Variants in FAT2 observed in about 807,000 individuals in gnomAD.
FAT2 encodes the protein FAT atypical cadherin 2.
Under a neutral mutation model 295.3 loss-of-function variants are expected in FAT2, and 150 were observed. The ratio of observed to expected loss-of-function variants is 0.51; its 90% CI spans 0.44 to 0.58. FAT2 has a LOEUF of 0.58. Among genes scored for constraint, FAT2 ranks in the 20% least tolerant of loss-of-function variants. The pLI is 0.00. For synonymous variants in FAT2, 2,026 were observed against 2,150.3 expected, an observed-to-expected ratio of 0.94 and a Z score of 1.60; for missense variants, 4,868 against 5,442.7, an observed-to-expected ratio of 0.89 and a Z score of 3.32.
chr5:151,541,047 T>C (rs1254844714), intron 10 of FAT2, among the ~76,000 whole-genome samples: 1 of 152,146 alleles, frequency 6.6e-6, no homozygotes, highest in East Asian at 1.9e-4. Flanking sequence ...CCAGAAGGCA[T>C]GGGAGGAAGT....
intron 13 of FAT2, 74 bp downstream of exon 13, chr5:151,534,335 C>G (rs994457757): frequency 1.8e-5 from 22 of 1,248,120 alleles, no homozygotes; most frequent in Non-Finnish European, 2.2e-5. Flanking sequence ...TAGAGAGACA[C>G]AAAGGGGACC....
intron 20 of FAT2, among the ~76,000 whole-genome samples, chr5:151,513,968 G>A (rs1375758286): frequency 6.6e-6 from 1 of 152,010 alleles, no homozygotes; most frequent in Non-Finnish European, 1.5e-5. Flanking sequence ...AGAACCACTG[G>A]GTTAAAACAT....
At chr5:151,520,492 A>T (rs749151075) in intron 19 of FAT2, among the ~76,000 whole-genome samples, 4 of 152,090 alleles carry the variant, frequency 2.6e-5, no homozygotes, top group African/African-American at 9.7e-5. Context: ...TTTAGGTGAC[A>T]TCTACACAGA....
intron 18 of FAT2, among the ~76,000 whole-genome samples, chr5:151,523,815 G>A (rs891695952): frequency 6.6e-5 from 10 of 152,152 alleles, no homozygotes; most frequent in Admixed American, 3.3e-4. Context: ...GGGAAATAAT[G>A]TGCAAAACAG....
rs368902272 is a variant in FAT2 at position 151,549,113 on chromosome 5, T to C, written c.4789+182A>G. Among the ~76,000 whole-genome samples, 11 of 152,332 alleles carry C rather than the reference T, an allele frequency of 7.2e-5. No individual in the cohort carries two copies. In the South Asian group the frequency reaches 2.3e-3, roughly 32 times the overall value. ...GTCCTTACTCATATTGTAGTAATTA[T>C]GTTATTACTACCTTTGGAAGTGCAT... On this transcript the variant is annotated intron_variant, in intron 9 of 23. Coordinates refer to ENST00000261800, the MANE Select transcript of FAT2 (RefSeq NM_001447.3).
In FAT2 at chr5:151,534,652, G is replaced by T. The variant is rs1755034076; in HGVS notation, c.9194-10C>A. The T allele has an allele frequency of 1.3e-6, 2 of 1,599,132 alleles. No homozygotes were observed. Among genetic ancestry groups the T allele is most frequent in the Non-Finnish European group, 1.7e-6 (2 of 1,167,462 alleles). ...AGTGTGGTCAGCTCCCCTGGTCGGA[G>T]AAATGACAAAAGTTGAGCTTTCTCT... On this transcript the variant is annotated splice_polypyrimidine_tract_variant and intron_variant, in intron 12 of 23. Coordinates refer to ENST00000261800, the MANE Select transcript of FAT2 (RefSeq NM_001447.3).
intron 21 of FAT2, chr5:151,511,806 G>GTGTT: frequency 4.5e-6 from 1 of 222,878 alleles, no homozygotes; most frequent in East Asian, 9.4e-5. Flanking sequence ...TTTGCCTCTA[G>GTGTT]TGTTAGGGAA....
rs201078770 is a variant in FAT2 at position 151,568,494 on chromosome 5, A to C, written c.438T>G (p.Pro146=). 1 of 1,613,944 alleles carries C rather than the reference A, an allele frequency of 6.2e-7. No homozygotes were observed. The highest frequency in any genetic ancestry group is 1.3e-5 in the African/African-American group (1 of 74,880). The part of the protein sequence containing the change: ...VHILDQNDLK[P]LFSPPSYRVT... The stretch of plus-strand genomic sequence containing the variant: ...CTCTGTACGAAGGTGGAGAGAAGAG[A>C]GGCTTCAGGTCATTCTGGTCCAGGA... The change falls in exon 2 of 24, where the codon CCT becomes CCG. Residue 146 remains proline, a synonymous_variant. Coordinates refer to ENST00000261800, the MANE Select transcript of FAT2 (RefSeq NM_001447.3).
upstream of FAT2, among the ~76,000 whole-genome samples, chr5:151,593,562 A>G (rs774258335): frequency 7.2e-5 from 11 of 152,260 alleles, no homozygotes; most frequent in Middle Eastern, 3.4e-3. Context: ...GTGCCCTCCA[A>G]GCATGCTCAG....
At chr5:151,532,650 G>A (rs530745337) in intron 13 of FAT2, among the ~76,000 whole-genome samples, 51 of 152,298 alleles carry the variant, frequency 3.3e-4, no homozygotes, top group African/African-American at 1.2e-3. Context: ...AAACACCCAT[G>A]GAAGTTCTTA....
chr5:151,545,049 C>T lies in FAT2; in HGVS notation c.6078G>A (p.Val2026=). 1 of 1,614,178 alleles carries T rather than the reference C, an allele frequency of 6.2e-7. No homozygotes were observed. The highest frequency in any genetic ancestry group is 8.5e-7 in the Non-Finnish European group (1 of 1,180,014). The part of the protein sequence containing the change: ...QSAGVLQTRG[V]AFDREQQDTH... ...TGTCCTGCTGCTCCCGGTCAAACGC[C>T]ACACCTCTTGTCTGCAACACACCTG... Residue 2026 remains valine (V), a synonymous_variant, in exon 10 of 24, where the codon GTG becomes GTA. Transcript: ENST00000261800.
In FAT2 at chr5:151,521,482, G is replaced by C. The variant is rs775457830; in HGVS notation, c.11111C>G (p.Thr3704Ser). ...YEFQELASII[T>S]HSAKEMEHSV... ...ATGCTCCATCTCCTTGGCTGAGTGAGTGATGATGGATGCTAGCTCCTGAAA... is the reference window on the plus strand; with the variant it reads ...ATGCTCCATCTCCTTGGCTGAGTGACTGATGATGGATGCTAGCTCCTGAAA... The change falls in exon 19 of 24, where the codon ACT becomes AGT. Residue 3704 changes from threonine (T) to serine (S), a missense_variant. Thr to Ser is a moderately conservative substitution (Grantham distance 58). Around this residue, in one of 5 missense-constraint regions of FAT2, gnomAD observed 1,046 missense variants for 1,210.1 expected, o/e 0.86. Coordinates refer to ENST00000261800, the MANE Select transcript of FAT2 (RefSeq NM_001447.3). 4 of 1,614,242 alleles carry C rather than the reference G, an allele frequency of 2.5e-6. No homozygotes were observed. In the East Asian group the frequency reaches 6.7e-5, roughly 27 times the overall value.
intron 17 of FAT2, 133 bp from the exon 18 acceptor site, chr5:151,526,098 G>T: frequency 1.2e-6 from 1 of 868,032 alleles, no homozygotes; most frequent in Non-Finnish European, 1.8e-6. Flanking sequence ...TGGACATCAA[G>T]CTGCTGCTCA....
At chr5:151,594,117 T>A (rs1400902037), upstream of FAT2, among the ~76,000 whole-genome samples, 1 of 152,214 alleles carries the variant, frequency 6.6e-6, no homozygotes, top group Non-Finnish European at 1.5e-5. Flanking sequence ...TCTCTGTGTT[T>A]CAGATGAAGA....
Position 151,531,544 on chromosome 5 carries a change from C to G in FAT2, c.9811+43G>C, listed in dbSNP as rs2127590839. 6.2e-7 allele frequency: 1 copy of G among 1,608,206 alleles called. No homozygotes were observed. Among genetic ancestry groups the G allele is most frequent in the Non-Finnish European group, 8.5e-7 (1 of 1,177,832 alleles). ...GGGAGGAACCCAGCGCTCCCAGAAA[C>G]CCTGTACGCGATGCTTTGGGGCTTG... On this transcript the variant is annotated intron_variant, in intron 14 of 23. Coordinates refer to ENST00000261800, the MANE Select transcript of FAT2 (RefSeq NM_001447.3). This position sits in a 1 kb window ranked among gnomAD's most constrained non-coding sequence, Gnocchi z 5.7.
intron 1 of FAT2, among the ~76,000 whole-genome samples, chr5:151,577,235 C>G (rs1037526732): frequency 2.0e-5 from 3 of 152,136 alleles, no homozygotes; most frequent in Non-Finnish European, 4.4e-5. Context: ...TAGTATGACC[C>G]TGGAGAAATG....
chr5:151,554,727 T>A, intron 4 of FAT2, 54 bp from the exon 5 acceptor site: 1 of 1,380,370 alleles, frequency 7.2e-7, no homozygotes, highest in Non-Finnish European at 1.0e-6. Flanking sequence ...AATTAGTGAC[T>A]ATGCTTTAAC....
chr5:151,558,970 C>T (rs1054105353), intron 3 of FAT2, among the ~76,000 whole-genome samples: 6 of 152,166 alleles, frequency 3.9e-5, no homozygotes, highest in Admixed American at 1.3e-4. Flanking sequence ...AGCTACTGGT[C>T]GAGGTTAATG....
At chr5:151,515,886 C>G (rs556083470) in intron 20 of FAT2, among the ~76,000 whole-genome samples, 3 of 152,340 alleles carry the variant, frequency 2.0e-5, no homozygotes, top group Admixed American at 1.3e-4. Context: ...TCAAAACCTT[C>G]TAATGCCTCC....
Sources: gnomAD v4.1 joint callset for allele counts (sites outside exome capture counted in the v4.1 genomes callset) on GRCh38, gnomAD v4.1.1 for gene constraint, gnomAD v4.1.1 regional missense constraint, Gnocchi (gnomAD v3.1) non-coding constraint, MANE v1.5 for transcripts, NCBI Gene and HGNC (gene_info 2026-07-23, HGNC 2026-07-21) for gene names.